XRCC6: variants seen among roughly 807,000 people sequenced by gnomAD.
The protein encoded by XRCC6 is DNA repair protein Ku70.
A neutral mutation model predicts 65.7 loss-of-function variants in XRCC6; 5 were observed. The ratio of observed to expected loss-of-function variants is 0.08; its 90% CI spans 0.04 to 0.16. The LOEUF is 0.16. Ranked by LOEUF, XRCC6 falls within the 10% of genes least tolerant of loss-of-function variation. The pLI is 1.00. For synonymous variants in XRCC6, 270 were observed against 270.6 expected, an observed-to-expected ratio of 1.00 and a Z score of 0.02; for missense variants, 447 against 738.1, an observed-to-expected ratio of 0.61 and a Z score of 4.57.
chr22:41,656,168 T>G (rs2068042710), intron 9 of XRCC6, among the ~76,000 whole-genome samples: 1 of 146,048 alleles, frequency 6.8e-6, no homozygotes, highest in South Asian at 2.2e-4. Context: ...CAGTAAGCTG[T>G]GATCACACCA....
intron 6 of XRCC6, among the ~76,000 whole-genome samples, chr22:41,641,600 C>A (rs750196684): frequency 6.6e-6 from 1 of 152,162 alleles, no homozygotes; most frequent in Non-Finnish European, 1.5e-5. Context: ...ACTGCCCCAT[C>A]ACTACCCCCT....
At position 41,636,693 on chromosome 22, in the gene XRCC6, A is replaced by G. The variant is rs781528484; in HGVS notation, c.512A>G (p.Asn171Ser). Residue 171 changes from asparagine (N) to serine (S), a missense_variant, in exon 5 of 13, where the codon AAT becomes AGT. Physicochemically the swap from Asn to Ser is conservative, Grantham distance 46 (BLOSUM62 1). Around this residue, in one of 4 missense-constraint regions of XRCC6, gnomAD observed 228 missense variants for 307.4 expected, o/e 0.74. Coordinates refer to ENST00000360079, the MANE Select transcript of XRCC6 (RefSeq NM_001469.5). The part of the protein sequence containing the change: ...MSHKRIMLFT[N>S]EDNPHGNDSA... Reference sequence around the variant, plus strand: ...CATAAGAGGATCATGCTGTTCACCAATGAAGACAACCCCCATGGCAATGAC... The same window carrying G: ...CATAAGAGGATCATGCTGTTCACCAGTGAAGACAACCCCCATGGCAATGAC... 3 of 1,614,190 alleles carry G rather than the reference A, an allele frequency of 1.9e-6. No homozygotes were observed. The South Asian group carries it at 3.3e-5, about 18-fold the overall frequency.
At chr22:41,635,195 G>T (rs1054061930) in intron 3 of XRCC6, among the ~76,000 whole-genome samples, 5 of 152,158 alleles carry the variant, frequency 3.3e-5, no homozygotes, top group African/African-American at 1.2e-4. Flanking sequence ...GTTACTCATA[G>T]TACCTAATAC....
At chr22:41,630,854 G>A (rs2067734943) in intron 3 of XRCC6, among the ~76,000 whole-genome samples, 1 of 152,188 alleles carries the variant, frequency 6.6e-6, no homozygotes, top group Non-Finnish European at 1.5e-5. Flanking sequence ...AGTCTCCCAT[G>A]TCTACTTTTT....
intron 7 of XRCC6, among the ~76,000 whole-genome samples, chr22:41,648,600 T>C (rs968176996): frequency 1.3e-5 from 2 of 152,086 alleles, no homozygotes; most frequent in African/African-American, 4.8e-5. Flanking sequence ...GCTCAGTCTA[T>C]AGAGGGATTT....
At chr22:41,659,309 A>T (rs932128592) in intron 11 of XRCC6, among the ~76,000 whole-genome samples, 5 of 152,130 alleles carry the variant, frequency 3.3e-5, no homozygotes, top group African/African-American at 1.2e-4. Context: ...AGGCAAATTC[A>T]GAAGTCGGTG....
chr22:41,625,206 A>G (rs112823763), intron 2 of XRCC6, among the ~76,000 whole-genome samples: 6,129 of 152,326 alleles, frequency 0.04, 266 homozygotes, highest in African/African-American at 0.093. Context: ...CAGGAGGCTG[A>G]GGCGGGAGAA....
intron 8 of XRCC6, 138 bp from the exon 9 acceptor site, chr22:41,653,391 G>C (rs1399272194): frequency 1.7e-5 from 14 of 819,544 alleles, no homozygotes; most frequent in Non-Finnish European, 2.3e-5. Flanking sequence ...GTGACAGAGC[G>C]AGACCCCGTC....
At chr22:41,649,434 A>T in intron 7 of XRCC6, among the ~76,000 whole-genome samples, 1 of 150,598 alleles carries the variant, frequency 6.6e-6, no homozygotes, top group East Asian at 2.0e-4. Flanking sequence ...CCTTGGCCTC[A>T]CAAAGTATTG....
intron 3 of XRCC6, among the ~76,000 whole-genome samples, chr22:41,629,459 T>G (rs932259383): frequency 7.2e-5 from 11 of 152,350 alleles, no homozygotes; most frequent in African/African-American, 2.2e-4. Context: ...AGTCAAATAT[T>G]GTATGATTTC....
intron 1 of XRCC6, 53 bp downstream of exon 1, chr22:41,621,398 C>A (rs1233152580): frequency 6.1e-6 from 1 of 163,878 alleles, no homozygotes; most frequent in Non-Finnish European, 1.3e-5. Context: ...CTGGCCTCGT[C>A]CCGCTTCGCT....
chr22:41,627,806 C>G (rs369608039), intron 2 of XRCC6, among the ~76,000 whole-genome samples: 75 of 151,886 alleles, frequency 4.9e-4, no homozygotes, highest in Non-Finnish European at 9.6e-4. Flanking sequence ...CCCAGGAGTT[C>G]GAGGTTGCAG....
At chr22:41,627,263 A>G (rs1355388634) in intron 2 of XRCC6, among the ~76,000 whole-genome samples, 1 of 152,158 alleles carries the variant, frequency 6.6e-6, no homozygotes. Flanking sequence ...ATAAAATTAT[A>G]AAGAAACGTA....
At chr22:41,653,075 TG>T (rs2068016131) in intron 8 of XRCC6, among the ~76,000 whole-genome samples, 1 of 151,250 alleles carries the variant, frequency 6.6e-6, no homozygotes, top group Admixed American at 6.6e-5. Flanking sequence ...CCCTCAGCTG[TG>T]GGGTCCTCCA....
intron 8 of XRCC6, 139 bp from the exon 9 acceptor site, chr22:41,653,390 C>A: frequency 1.3e-6 from 1 of 798,344 alleles, no homozygotes; most frequent in Non-Finnish European, 1.9e-6. Context: ...GGTGACAGAG[C>A]GAGACCCCGT....
At chr22:41,662,464 T>C (rs1013831297) in intron 12 of XRCC6, among the ~76,000 whole-genome samples, 1 of 152,216 alleles carries the variant, frequency 6.6e-6, no homozygotes, top group African/African-American at 2.4e-5. Context: ...CATTGTTTTC[T>C]AGTTTGCTAT....
At chr22:41,623,940 C>T (rs1403435985) in intron 2 of XRCC6, among the ~76,000 whole-genome samples, 1 of 149,874 alleles carries the variant, frequency 6.7e-6, no homozygotes, top group Admixed American at 6.7e-5. Flanking sequence ...CCAGGCTGGT[C>T]TTGAACTCCT....
intron 7 of XRCC6, among the ~76,000 whole-genome samples, chr22:41,649,131 A>AG (rs1249091482): frequency 2.1e-5 from 2 of 95,724 alleles, no homozygotes; most frequent in African/African-American, 9.7e-5. Context: ...GAGTACAAAA[A>AG]AAAAAAAAAT....
chr22:41,644,129 A>G (rs2067906952), intron 6 of XRCC6, among the ~76,000 whole-genome samples: 1 of 152,180 alleles, frequency 6.6e-6, no homozygotes, highest in Non-Finnish European at 1.5e-5. Flanking sequence ...CCTGGGTGAC[A>G]GAGCAAGACC....
Sources: gnomAD v4.1 joint callset for allele counts (sites outside exome capture counted in the v4.1 genomes callset) on GRCh38, gnomAD v4.1.1 for gene constraint, gnomAD v4.1.1 regional missense constraint, MANE v1.5 for transcripts, NCBI Gene and HGNC (gene_info 2026-07-23, HGNC 2026-07-21) for gene names.